FAM161A: variants seen among roughly 807,000 people sequenced by gnomAD.
FAM161A encodes FAM161 centrosomal protein A, also known as protein FAM161A.
A neutral mutation model predicts 70.9 loss-of-function variants in FAM161A; 57 were observed. The ratio of observed to expected loss-of-function variants is 0.80; its 90% confidence interval spans 0.65 to 1.00. The LOEUF is 1.00. Among genes scored for constraint, FAM161A ranks in the 50% least tolerant of loss-of-function variants. FAM161A has a pLI of 0.00. For synonymous variants in FAM161A, 299 were observed against 295.7 expected (o/e 1.01, Z -0.12); for missense variants, 880 against 836.0 (o/e 1.05, Z -0.65).
intron 1 of FAM161A, among the ~76,000 whole-genome samples, chr2:61,850,434 T>C (rs921835950): frequency 6.6e-6 from 1 of 151,862 alleles, no homozygotes; most frequent in Non-Finnish European, 1.5e-5. Flanking sequence ...TGTGTATGTG[T>C]GTATATGTGT....
Position 61,832,000 on chromosome 2 carries a change from T to C in FAM161A, c.1851+4010A>G, listed in dbSNP as rs571652758. Among the ~76,000 whole-genome samples, 4 of 152,004 alleles carry C rather than the reference T, an allele frequency of 2.6e-5. No homozygotes were observed. The South Asian group carries it at 8.3e-4, about 32-fold the overall frequency. Reference sequence around the variant, plus strand: ...GGCTCACACTTGGAATCCCGACACTTTGGAAGGCCGAGAAAGGAGGATTTC... The same window carrying C: ...GGCTCACACTTGGAATCCCGACACTCTGGAAGGCCGAGAAAGGAGGATTTC... On this transcript the variant is annotated intron_variant, in intron 5 of 6. Transcript: ENST00000404929.
intron 5 of FAM161A, among the ~76,000 whole-genome samples, chr2:61,831,307 C>T (rs1213976069): frequency 2.6e-5 from 4 of 151,644 alleles, no homozygotes; most frequent in Admixed American, 1.3e-4. Flanking sequence ...TTGGAACAAG[C>T]CTCGCATGTC....
chr2:61,804,158 A>T, the FAM161A span, among the ~76,000 whole-genome samples: 2 of 152,038 alleles, frequency 1.3e-5, no homozygotes, highest in Non-Finnish European at 2.9e-5. Context: ...GCATTTGTAA[A>T]CTGTCATGGC....
At position 61,839,568 on chromosome 2, in the gene FAM161A, T is replaced by A; in HGVS notation, c.1436A>T (p.Asp479Val). 6.2e-7 allele frequency: 1 copy of A among 1,614,218 alleles called. No homozygotes were observed. The highest frequency in any genetic ancestry group is 8.5e-7 in the Non-Finnish European group (1 of 1,180,038). ...REKILADIEA[D>V]EENLKETRWP... ...ACGTGTTTCTTTTAAATTTTCTTCATCTGCTTCGATGTCTGCCAAAATTTT... is the reference window on the plus strand; with the variant it reads ...ACGTGTTTCTTTTAAATTTTCTTCAACTGCTTCGATGTCTGCCAAAATTTT... Residue 479 changes from aspartate (D) to valine (V), a missense_variant, in exon 3 of 7, where the codon GAT (aspartate) becomes GTT (valine). By Grantham distance (152) the Asp-to-Val change is radical. Transcript: ENST00000404929.
At chr2:61,817,312 G>C in the FAM161A span, among the ~76,000 whole-genome samples, 1 of 152,144 alleles carries the variant, frequency 6.6e-6, no homozygotes, top group Non-Finnish European at 1.5e-5. Flanking sequence ...ACCTCAGACT[G>C]AAGATAATAC....
intron 2 of FAM161A, among the ~76,000 whole-genome samples, chr2:61,841,049 T>C (rs577442081): frequency 6.6e-6 from 1 of 152,322 alleles, no homozygotes; most frequent in East Asian, 1.9e-4. Context: ...AGCTGGGCAA[T>C]GCCCATAAAT....
chr2:61,838,909 G>A (rs1161481689), intron 3 of FAM161A, among the ~76,000 whole-genome samples: 2 of 140,758 alleles, frequency 1.4e-5, no homozygotes, highest in African/African-American at 5.7e-5. Flanking sequence ...TTGAGATGGA[G>A]TCTCGCTCTG....
chr2:61,823,402 CTT>C (rs1479451929), downstream of FAM161A, among the ~76,000 whole-genome samples: 1 of 132,312 alleles, frequency 7.6e-6, no homozygotes, highest in African/African-American at 2.8e-5. Context: ...CAGGGTCTCA[CTT>C]TGTTACCTAG....
chr2:61,805,009 T>C, the FAM161A span, among the ~76,000 whole-genome samples: 1 of 152,076 alleles, frequency 6.6e-6, no homozygotes, highest in African/African-American at 2.4e-5. Context: ...ATTTTTTTTT[T>C]CTGAAGTTCT....
chr2:61,839,406 G>A lies in FAM161A; in HGVS notation c.1583+15C>T, dbSNP rs765178656. ...GCAACCATGAGTCAGTCAGTACTGC[G>A]TCCTACTTACTTACCTTACGGCTTG... On this transcript the variant is annotated intron_variant, in intron 3 of 6. Transcript: ENST00000404929. 2.5e-5 allele frequency: 40 copies of A among 1,613,674 alleles called. No homozygotes were observed. The highest frequency in any genetic ancestry group is 2.1e-4 in the South Asian group (19 of 91,044).
intron 3 of FAM161A, among the ~76,000 whole-genome samples, 179 bp from the exon 4 acceptor site, chr2:61,838,884 A>T (rs200823613): frequency 2.9e-4 from 39 of 133,678 alleles, no homozygotes; most frequent in African/African-American, 7.6e-4. Flanking sequence ...TTATTTATTT[A>T]TTTATTTATT....
chr2:61,806,167 G>A, the FAM161A span, among the ~76,000 whole-genome samples: 13 of 152,114 alleles, frequency 8.5e-5, no homozygotes, highest in East Asian at 1.7e-3. Context: ...GCAGTGAGCC[G>A]AGACTGCACT....
chr2:61,806,677 C>A, the FAM161A span, among the ~76,000 whole-genome samples: 2 of 102,170 alleles, frequency 2.0e-5, no homozygotes, highest in Non-Finnish European at 4.0e-5. Flanking sequence ...TTGCTTTCCA[C>A]GTCTTTTTTT....
the FAM161A span, among the ~76,000 whole-genome samples, chr2:61,811,770 TG>T: frequency 6.6e-6 from 1 of 152,126 alleles, no homozygotes; most frequent in Non-Finnish European, 1.5e-5. Context: ...CCTCCCAAAG[TG>T]CTGGGATTAC....
the FAM161A span, among the ~76,000 whole-genome samples, chr2:61,804,768 G>GGAAAGAA: frequency 8.4e-6 from 1 of 119,038 alleles, no homozygotes; most frequent in South Asian, 3.1e-4. Flanking sequence ...GAAAAAGAAA[G>GGAAAGAA]AGAAAGAAAG....
chr2:61,817,922 C>G, the FAM161A span, among the ~76,000 whole-genome samples: 42 of 152,188 alleles, frequency 2.8e-4, no homozygotes, highest in Admixed American at 2.5e-3. Flanking sequence ...TTCTACACTG[C>G]ACTCCAGCCT....
At chr2:61,820,884 T>C (rs1192717684), downstream of FAM161A, among the ~76,000 whole-genome samples, 1 of 152,164 alleles carries the variant, frequency 6.6e-6, no homozygotes, top group Admixed American at 6.6e-5. Flanking sequence ...TCATTTATAT[T>C]TTTCTTTAAC....
chr2:61,812,875 C>A, the FAM161A span, among the ~76,000 whole-genome samples: 1 of 151,982 alleles, frequency 6.6e-6, no homozygotes, highest in Non-Finnish European at 1.5e-5. Context: ...CAAGACCATG[C>A]TGGCTAATAC....
rs1558480121 is a variant in FAM161A, at chr2:61,836,001, A to G, written c.1851+9T>C. 6.3e-7 allele frequency: 1 copy of G among 1,590,836 alleles called. No individual in the cohort carries two copies. The highest frequency in any genetic ancestry group is 8.6e-7 in the Non-Finnish European group (1 of 1,164,794). On this transcript the variant is annotated intron_variant, in intron 5 of 6. Coordinates refer to ENST00000404929, the MANE Select transcript of FAM161A (RefSeq NM_001201543.2). ...CTGACGATAGCTCTTAAATTCCAAT[A>G]AACACAACCTGAGCAACTCTTTCAA... is the stretch of plus-strand genomic sequence containing the variant.
Sources: gnomAD v4.1 joint callset for allele counts (sites outside exome capture counted in the v4.1 genomes callset) on GRCh38, gnomAD v4.1.1 for gene constraint, MANE v1.5 for transcripts, NCBI Gene and HGNC (gene_info 2026-07-23, HGNC 2026-07-21) for gene names.